Variants in SCMH1 observed in about 807,000 individuals in gnomAD.
The protein encoded by SCMH1 is polycomb protein SCMH1.
In SCMH1, 37 loss-of-function variants were observed where a neutral mutation model predicts 70.8. The ratio of observed to expected loss-of-function variants is 0.52; its 90% CI spans 0.40 to 0.69. The LOEUF (loss-of-function observed/expected upper bound fraction) is 0.69. Among genes scored for constraint, SCMH1 ranks in the 30% least tolerant of loss-of-function variants. SCMH1 has a pLI of 0.00. For missense variants in SCMH1, 607 were observed against 827.3 expected (o/e 0.73, Z 3.27); for synonymous variants, 292 against 307.4 (o/e 0.95, Z 0.52).
chr1:41,096,544 A>C (rs1665124583), intron 8 of SCMH1, among the ~76,000 whole-genome samples: 1 of 152,226 alleles, frequency 6.6e-6, no homozygotes, highest in Non-Finnish European at 1.5e-5. Context: ...ATCTGACTGT[A>C]GTGAACTTTC....
At chr1:41,193,092 G>T (rs1652123938) in intron 1 of SCMH1, among the ~76,000 whole-genome samples, 1 of 152,202 alleles carries the variant, frequency 6.6e-6, no homozygotes, top group South Asian at 2.1e-4. Context: ...GCCATAGATT[G>T]CCAACTACTA....
At position 41,032,972 on chromosome 1, in the gene SCMH1, C is replaced by G. The variant is rs1307788116; in HGVS notation, c.1679-4246G>C. Among the ~76,000 whole-genome samples, 32 of 138,234 alleles carry G rather than the reference C, an allele frequency of 2.3e-4. No homozygotes were observed. The Admixed American group carries it at 2.4e-3, about 10-fold the overall frequency. The allele number at this position is 138,234 out of a possible 152,430, so 90.7% of individuals were successfully genotyped here. On this transcript the variant is annotated intron_variant, in intron 13 of 14. Coordinates refer to ENST00000337495, the Ensembl canonical transcript of SCMH1. ...CCAGCCTGGGCGACAGAGTGAGACT[C>G]TGTCTCAAAAAAAAAAAAAAAAAGA...
rs977761436 is a variant in SCMH1, at chr1:41,160,777, C to G, written c.106+98G>C. ...TTCACTGGTTTCTGAGACAGAGACA[C>G]GTGGAATTCTTTTCCTCGTTGGTTA... On this transcript the variant is annotated intron_variant, in intron 4 of 14. Coordinates refer to ENST00000337495, the Ensembl canonical transcript of SCMH1. The G allele has an allele frequency of 5.4e-6, 6 of 1,102,190 alleles. No homozygotes were observed. The South Asian group carries it at 8.1e-5, about 15-fold the overall frequency. 68.3% of individuals were successfully genotyped at this position (1,102,190 alleles called of 1,614,324 possible). A position where few individuals can be genotyped will look rare whatever the true frequency, so the allele number is the denominator to read the frequency against.
intron 1 of SCMH1, among the ~76,000 whole-genome samples, chr1:41,220,687 T>C (rs1008511423): frequency 6.6e-6 from 1 of 152,238 alleles, no homozygotes; most frequent in African/African-American, 2.4e-5. Context: ...AAAGACGTGG[T>C]CCTTGTTTTT....
intron 8 of SCMH1, among the ~76,000 whole-genome samples, chr1:41,083,567 T>C (rs1156657882): frequency 6.6e-6 from 1 of 152,170 alleles, no homozygotes; most frequent in African/African-American, 2.4e-5. Flanking sequence ...AATTTATAGA[T>C]TCAATGCCAT....
At chr1:41,187,475 A>C (rs1343585370) in intron 1 of SCMH1, among the ~76,000 whole-genome samples, 1 of 146,400 alleles carries the variant, frequency 6.8e-6, no homozygotes, top group African/African-American at 2.5e-5. Flanking sequence ...AAAAAAAAAA[A>C]ACCCCAAAAA....
At chr1:41,088,861 T>C (rs1662499257) in intron 8 of SCMH1, among the ~76,000 whole-genome samples, 1 of 152,186 alleles carries the variant, frequency 6.6e-6, no homozygotes, top group South Asian at 2.1e-4. Flanking sequence ...CTAAGATTCA[T>C]ACTGTAGAAA....
intron 8 of SCMH1, among the ~76,000 whole-genome samples, chr1:41,110,444 T>C (rs1310097972): frequency 6.6e-6 from 1 of 152,208 alleles, no homozygotes; most frequent in Non-Finnish European, 1.5e-5. Context: ...ATAGCAGTCA[T>C]TTCCCATTTT....
At chr1:41,142,488 A>G (rs1472876613) in intron 6 of SCMH1, among the ~76,000 whole-genome samples, 5 of 152,244 alleles carry the variant, frequency 3.3e-5, no homozygotes, top group Non-Finnish European at 5.9e-5. Flanking sequence ...AGAGATCCTT[A>G]TAACAGCCAT....
chr1:41,110,036 C>T (rs1668872555), intron 8 of SCMH1, among the ~76,000 whole-genome samples: 1 of 152,162 alleles, frequency 6.6e-6, no homozygotes, highest in Non-Finnish European at 1.5e-5. Flanking sequence ...TCCAAGGTAC[C>T]TCGCTTCTTG....
At chr1:41,231,793 C>T (rs553398124) in intron 1 of SCMH1, among the ~76,000 whole-genome samples, 57 of 152,100 alleles carry the variant, frequency 3.7e-4, no homozygotes, top group African/African-American at 9.9e-4. Context: ...GAGGCAGAGG[C>T]GGGCAGATCA....
chr1:41,156,324 C>T (rs566225627), intron 4 of SCMH1, among the ~76,000 whole-genome samples: 1 of 152,326 alleles, frequency 6.6e-6, no homozygotes, highest in South Asian at 2.1e-4. Context: ...GCATAATCAA[C>T]ATCTTTAGAT....
At chr1:41,076,037 C>T (rs1658191063) in intron 8 of SCMH1, among the ~76,000 whole-genome samples, 1 of 152,146 alleles carries the variant, frequency 6.6e-6, no homozygotes, top group South Asian at 2.1e-4. Flanking sequence ...ACCTTTATTC[C>T]TTATTACCTT....
intron 5 of SCMH1, among the ~76,000 whole-genome samples, chr1:41,146,693 T>C (rs1039036557): frequency 1.3e-5 from 2 of 152,148 alleles, no homozygotes; most frequent in Non-Finnish European, 2.9e-5. Context: ...AGGTGTGTAG[T>C]AGGCTATAGC....
chr1:41,071,740 G>A (rs1656591264), intron 9 of SCMH1, among the ~76,000 whole-genome samples: 1 of 151,976 alleles, frequency 6.6e-6, no homozygotes. Context: ...CTGGTTCACT[G>A]CGACCTCCAC....
intron 10 of SCMH1, among the ~76,000 whole-genome samples, chr1:41,067,295 T>G (rs1195772301): frequency 2.0e-5 from 3 of 151,402 alleles, no homozygotes; most frequent in Admixed American, 1.3e-4. Context: ...ATACAAAAAA[T>G]TAGTCGGGTG....
chr1:41,114,384 T>A (rs1451487025), intron 7 of SCMH1, among the ~76,000 whole-genome samples: 2 of 152,238 alleles, frequency 1.3e-5, no homozygotes, highest in African/African-American at 4.8e-5. Context: ...TCTTACTATC[T>A]GATCCTGTAC....
At chr1:41,232,934 G>T (rs1456980016) in intron 1 of SCMH1, among the ~76,000 whole-genome samples, 1 of 152,120 alleles carries the variant, frequency 6.6e-6, no homozygotes, top group African/African-American at 2.4e-5. Flanking sequence ...CTGCTATGTG[G>T]CAGCCCCTCA....
intron 4 of SCMH1, 110 bp downstream of exon 4, chr1:41,160,765 G>C: frequency 9.8e-7 from 1 of 1,018,176 alleles, no homozygotes; most frequent in African/African-American, 1.6e-5. Context: ...ACTGGTTTCT[G>C]AGACAGAGAC....
Sources: allele counts gnomAD v4.1 joint callset (sites outside exome capture counted in the v4.1 genomes callset), GRCh38; gene constraint gnomAD v4.1.1; transcripts MANE v1.5; gene names NCBI Gene and HGNC (gene_info 2026-07-23, HGNC 2026-07-21).